Variants in ANK2 observed in about 807,000 individuals in gnomAD.
ANK2 encodes ankyrin 2.
Under a neutral mutation model 360.5 loss-of-function variants are expected in ANK2, and 83 were observed. That is an observed-to-expected ratio of 0.23 (90% confidence interval 0.19 to 0.28). ANK2 has a LOEUF of 0.28. Ranked by LOEUF, ANK2 falls within the 10% of genes least tolerant of loss-of-function variation. The probability of loss-of-function intolerance (pLI) is 1.00; values close to 1 mark genes in which losing one functional copy is unlikely to be tolerated. For missense variants in ANK2, 4,201 were observed against 4,795.7 expected, an observed-to-expected ratio of 0.88 and a Z score of 3.66; for synonymous variants, 1,740 against 1,759.5, an observed-to-expected ratio of 0.99 and a Z score of 0.28.
At chr4:112,904,645 C>A in intron 2 of ANK2, 1 of 637,982 alleles carries the variant, frequency 1.6e-6, no homozygotes, top group South Asian at 2.2e-5. Flanking sequence ...ATAGCATTAA[C>A]AATTTTTTAA....
chr4:112,897,269 G>C (rs2082046394), intron 1 of ANK2, among the ~76,000 whole-genome samples: 1 of 152,072 alleles, frequency 6.6e-6, no homozygotes, highest in South Asian at 2.1e-4. Flanking sequence ...GGGAGCCTGG[G>C]GTTCTTTGAC....
At chr4:112,725,488 G>A in the ANK2 span, among the ~76,000 whole-genome samples, 1 of 148,896 alleles carries the variant, frequency 6.7e-6, no homozygotes, top group Non-Finnish European at 1.5e-5. Context: ...AGCCTCCCGA[G>A]TAGCTGGGAC....
At chr4:113,055,113 C>T (rs1379529821) in intron 1 of ANK2, among the ~76,000 whole-genome samples, 2 of 152,070 alleles carry the variant, frequency 1.3e-5, no homozygotes, top group African/African-American at 2.4e-5. Flanking sequence ...ATTGTCTTAG[C>T]CAGGTGCAGT....
At chr4:113,136,692 A>T (rs976115932) in intron 1 of ANK2, among the ~76,000 whole-genome samples, 3 of 152,014 alleles carry the variant, frequency 2.0e-5, no homozygotes, top group African/African-American at 7.2e-5. Context: ...CAAATAAACA[A>T]AAAGCAAAAA....
At chr4:112,714,840 C>A in the ANK2 span, among the ~76,000 whole-genome samples, 1 of 152,160 alleles carries the variant, frequency 6.6e-6, no homozygotes, top group Non-Finnish European at 1.5e-5. Context: ...TATTAAGGAG[C>A]TAATTATCTG....
Position 112,930,608 on chromosome 4 carries a change from G to A in ANK2, c.21+26094G>A, listed in dbSNP as rs550956284. ...TAGGAGTAAGACTTAAAGTGATGAC[G>A]CCGGGTGCAGTGGCCCATGCCTGTA... On this transcript the variant is annotated intron_variant, in intron 2 of 30. Coordinates refer to the ANK2 transcript ENST00000503271. Among the ~76,000 whole-genome samples the A allele has an allele frequency of 9.2e-5, 14 of 152,192 alleles. 1 individual carries two copies. Among genetic ancestry groups the A allele is most frequent in the Middle Eastern group, 3.4e-3 (1 of 294 alleles).
upstream of ANK2, among the ~76,000 whole-genome samples, chr4:113,045,197 TAATAA>T (rs1256040885): frequency 6.6e-6 from 1 of 152,192 alleles, no homozygotes; most frequent in Admixed American, 6.5e-5. Context: ...ACTCATGGTT[TAATAA>T]AATAGAATAG....
At chr4:112,785,432 A>AG in the ANK2 span, among the ~76,000 whole-genome samples, 3 of 146,500 alleles carry the variant, frequency 2.0e-5, no homozygotes, top group Admixed American at 6.8e-5. Context: ...GGAGTGCAGT[A>AG]GCATGATCTC....
intron 1 of ANK2, among the ~76,000 whole-genome samples, chr4:113,090,635 G>A (rs1019783908): frequency 6.6e-6 from 1 of 152,136 alleles, no homozygotes; most frequent in Non-Finnish European, 1.5e-5. Context: ...CAAGCCACAG[G>A]CATATTCGTT....
At chr4:113,002,351 G>A (rs56160953) in intron 2 of ANK2, among the ~76,000 whole-genome samples, 4,210 of 152,156 alleles carry the variant, frequency 0.028, 180 homozygotes, top group African/African-American at 0.095. Context: ...AGAAAATGTG[G>A]CATGTATACA....
chr4:112,908,776 T>C (rs1580962230), intron 2 of ANK2, among the ~76,000 whole-genome samples: 1 of 152,320 alleles, frequency 6.6e-6, no homozygotes, highest in Admixed American at 6.5e-5. Flanking sequence ...GGCGCATTGA[T>C]TGGCTTTCAT....
At chr4:113,315,698 A>G (rs543228089) in intron 24 of ANK2, among the ~76,000 whole-genome samples, 5 of 152,228 alleles carry the variant, frequency 3.3e-5, no homozygotes, top group Admixed American at 1.3e-4. Context: ...GGAGATCGAG[A>G]CCATCCTGGC....
intron 17 of ANK2, among the ~76,000 whole-genome samples, chr4:113,282,215 A>G (rs574998423): frequency 6.6e-6 from 1 of 152,358 alleles, no homozygotes; most frequent in South Asian, 2.1e-4. Flanking sequence ...TTGACAAACT[A>G]GAATCAGCTC....
chr4:113,182,990 G>C (rs1372480211), intron 2 of ANK2, among the ~76,000 whole-genome samples: 1 of 152,082 alleles, frequency 6.6e-6, no homozygotes, highest in African/African-American at 2.4e-5. Context: ...TTACTGGATG[G>C]TGTCCTTGAG....
intron 2 of ANK2, among the ~76,000 whole-genome samples, chr4:113,039,323 T>C (rs2062360090): frequency 1.3e-5 from 2 of 152,050 alleles, no homozygotes; most frequent in East Asian, 1.9e-4. Context: ...AGGGTAACAT[T>C]GTGAAAAACA....
chr4:112,918,708 A>G (rs1004517012), intron 2 of ANK2, among the ~76,000 whole-genome samples: 2 of 152,248 alleles, frequency 1.3e-5, no homozygotes, highest in African/African-American at 4.8e-5. Flanking sequence ...GCATATCAAC[A>G]GAATGAATAG....
chr4:112,859,482 C>G (rs2067313342), intron 1 of ANK2, among the ~76,000 whole-genome samples: 1 of 152,238 alleles, frequency 6.6e-6, no homozygotes, highest in Admixed American at 6.5e-5. Context: ...TTTTACTGAT[C>G]TACCTGGTCT....
intron 4 of ANK2, among the ~76,000 whole-genome samples, chr4:113,211,605 G>A (rs990249265): frequency 1.3e-5 from 2 of 152,170 alleles, no homozygotes; most frequent in African/African-American, 2.4e-5. Flanking sequence ...CTTGGGGGGT[G>A]TGAGAGCCTC....
intron 1 of ANK2, among the ~76,000 whole-genome samples, chr4:113,099,016 A>G (rs1294898645): frequency 6.6e-6 from 1 of 151,946 alleles, no homozygotes; most frequent in East Asian, 1.9e-4. Flanking sequence ...CCTTAACCTG[A>G]TAAATAACAT....
Sources: gnomAD v4.1 joint callset for allele counts (sites outside exome capture counted in the v4.1 genomes callset) on GRCh38, gnomAD v4.1.1 for gene constraint, MANE v1.5 for transcripts, NCBI Gene and HGNC (gene_info 2026-07-23, HGNC 2026-07-21) for gene names.